Variants in KIRREL3 observed in about 807,000 individuals in gnomAD.
KIRREL3 encodes kin of IRRE-like protein 3.
In KIRREL3, 36 loss-of-function variants were observed where a neutral mutation model predicts 89.7. That is an observed-to-expected ratio of 0.40 (90% CI 0.31 to 0.53). KIRREL3 has a LOEUF of 0.53. Among genes scored for constraint, KIRREL3 ranks in the 20% least tolerant of loss-of-function variants. The probability of loss-of-function intolerance (pLI) is 0.49; values close to 1 mark genes in which losing one functional copy is unlikely to be tolerated. For synonymous variants in KIRREL3, 445 were observed against 441.4 expected, an observed-to-expected ratio of 1.01 and a Z score of -0.10; for missense variants, 864 against 1,056.6, an observed-to-expected ratio of 0.82 and a Z score of 2.53.
At position 126,965,720 on chromosome 11, in the gene KIRREL3, A is replaced by G. The variant is rs1005366417; in HGVS notation, c.55+34735T>C. Among the ~76,000 whole-genome samples, 2 of 152,170 alleles carry G rather than the reference A, an allele frequency of 1.3e-5. No individual in the cohort carries two copies. Among genetic ancestry groups the G allele is most frequent in the Admixed American group, 1.3e-4 (2 of 15,268 alleles). On this transcript the variant is annotated intron_variant, in intron 1 of 16. Coordinates refer to ENST00000525144, the MANE Select transcript of KIRREL3 (RefSeq NM_032531.4). The surrounding 1 kb of genome is among the most constrained non-coding windows in gnomAD (Gnocchi z 4.4). ...AAATATTATTTCCTTCTGACTTTGG[A>G]GTGCGTTATTTTCCCGTGTTTTACG...
chr11:126,727,934 G>A (rs1265779323), intron 1 of KIRREL3, among the ~76,000 whole-genome samples: 8 of 152,032 alleles, frequency 5.3e-5, no homozygotes, highest in Admixed American at 6.5e-5. Flanking sequence ...GAGGAGACCC[G>A]GAGGGAAGGA....
chr11:126,755,766 A>G lies in KIRREL3; in HGVS notation c.56-192854T>C, dbSNP rs190728737. On this transcript the variant is annotated intron_variant, in intron 1 of 16. Transcript: ENST00000525144. This position sits in a 1 kb window ranked among gnomAD's most constrained non-coding sequence, Gnocchi z 4.3. ...AACTCTTTCCATGCCCCTTCTTTGC[A>G]CTTTTTCCACCCCCTCACCACTACC... Among the ~76,000 whole-genome samples, 3 of 151,536 alleles carry G rather than the reference A, an allele frequency of 2.0e-5. No individual in the cohort carries two copies. Among genetic ancestry groups the G allele is most frequent in the Non-Finnish European group, 4.4e-5 (3 of 67,922 alleles).
In KIRREL3 at chr11:126,710,563, T is replaced by C. The variant is rs1206211659; in HGVS notation, c.56-147651A>G. Among the ~76,000 whole-genome samples the C allele has an allele frequency of 6.6e-6, 1 of 152,162 alleles. No homozygotes were observed. The highest frequency in any genetic ancestry group is 6.5e-5 in the Admixed American group (1 of 15,272). The stretch of plus-strand genomic sequence containing the variant: ...GAGCTTGGAGGACTATTTTGCTAAA[T>C]GATGCACCCTGTGAATAACCATCAC... On this transcript the variant is annotated intron_variant, in intron 1 of 16. Coordinates refer to ENST00000525144, the MANE Select transcript of KIRREL3 (RefSeq NM_032531.4). This position sits in a 1 kb window ranked among gnomAD's most constrained non-coding sequence, Gnocchi z 4.2.
Position 126,705,854 on chromosome 11 carries a change from T to C in KIRREL3, c.56-142942A>G, listed in dbSNP as rs1041962515. On this transcript the variant is annotated intron_variant, in intron 1 of 16. Transcript: ENST00000525144. The surrounding 1 kb of genome is among the most constrained non-coding windows in gnomAD (Gnocchi z 4.3). ...CACTAAAATGTTGAGAAAGTGATGC[T>C]GCGTAACTTCTGGGAAAAACTTTAA... Among the ~76,000 whole-genome samples, 1 of 152,232 alleles carries C rather than the reference T, an allele frequency of 6.6e-6. No homozygotes were observed. Among genetic ancestry groups the C allele is most frequent in the Non-Finnish European group, 1.5e-5 (1 of 68,038 alleles).
In KIRREL3 at chr11:126,573,549, G is replaced by A. The variant is rs183515241; in HGVS notation, c.56-10637C>T. On this transcript the variant is annotated intron_variant, in intron 1 of 16. Coordinates refer to ENST00000525144, the MANE Select transcript of KIRREL3 (RefSeq NM_032531.4). ...AGCGGAAAAGGCAGGGAACCCCGCTGTCCTCCCATTACTGAAATCCTCCTT... is the reference window on the plus strand; with the variant it reads ...AGCGGAAAAGGCAGGGAACCCCGCTATCCTCCCATTACTGAAATCCTCCTT... Among the ~76,000 whole-genome samples the A allele has an allele frequency of 1.9e-4, 29 of 151,254 alleles. 1 individual carries two copies. Among genetic ancestry groups the A allele is most frequent in the Admixed American group, 1.5e-3 (23 of 15,188 alleles).
chr11:126,661,311 T>C (rs1945392527), intron 1 of KIRREL3, among the ~76,000 whole-genome samples: 1 of 152,184 alleles, frequency 6.6e-6, no homozygotes, highest in South Asian at 2.1e-4. Flanking sequence ...AGAGAACAGA[T>C]ACTATTGTCA....
chr11:126,947,711 G>T (rs942172874), intron 1 of KIRREL3, among the ~76,000 whole-genome samples: 2 of 152,208 alleles, frequency 1.3e-5, no homozygotes, highest in African/African-American at 4.8e-5. Context: ...AGACTGAGAT[G>T]GGATTAAAAA....
Position 126,965,430 on chromosome 11 carries a change from T to A in KIRREL3, c.55+35025A>T. ...AGGAACAGATTGGTTTATCCATGTA[T>A]TTGCATAATCATTATCATCACATTC... On this transcript the variant is annotated intron_variant, in intron 1 of 16. Transcript: ENST00000525144. This position sits in a 1 kb window ranked among gnomAD's most constrained non-coding sequence, Gnocchi z 4.4. Among the ~76,000 whole-genome samples, 1 of 152,176 alleles carries A rather than the reference T, an allele frequency of 6.6e-6. No homozygotes were observed. Among genetic ancestry groups the A allele is most frequent in the East Asian group, 1.9e-4 (1 of 5,180 alleles).
In KIRREL3 at chr11:126,697,980, G is replaced by A. The variant is rs866468050; in HGVS notation, c.56-135068C>T. On this transcript the variant is annotated intron_variant, in intron 1 of 16. Coordinates refer to ENST00000525144, the MANE Select transcript of KIRREL3 (RefSeq NM_032531.4). This position sits in a 1 kb window ranked among gnomAD's most constrained non-coding sequence, Gnocchi z 4.2. ...CCAAGAAGGGAAGATGACAACGCTG[G>A]TGAAGTCTGAACAAATGCAAAGTCA... Among the ~76,000 whole-genome samples, 1 of 152,186 alleles carries A rather than the reference G, an allele frequency of 6.6e-6. No homozygotes were observed. The highest frequency in any genetic ancestry group is 2.4e-5 in the African/African-American group (1 of 41,450).
At position 126,462,228 on chromosome 11, in the gene KIRREL3, C is replaced by G. The variant is rs1956570978; in HGVS notation, c.742+929G>C. Among the ~76,000 whole-genome samples the G allele has an allele frequency of 6.6e-6, 1 of 152,028 alleles. No homozygotes were observed. The highest frequency in any genetic ancestry group is 2.1e-4 in the South Asian group (1 of 4,810). On this transcript the variant is annotated intron_variant, in intron 6 of 16. Coordinates refer to ENST00000525144, the MANE Select transcript of KIRREL3 (RefSeq NM_032531.4). This position sits in a 1 kb window ranked among gnomAD's most constrained non-coding sequence, Gnocchi z 4.8. ...CACGGGCCACCGAGGGCTGGCTGGG[C>G]AGGAGTGTGGAGAGGATGTTACCAG...
At chr11:126,426,753 A>G (rs1565440181) in intron 15 of KIRREL3, among the ~76,000 whole-genome samples, 1 of 152,098 alleles carries the variant, frequency 6.6e-6, no homozygotes, top group Non-Finnish European at 1.5e-5. Context: ...CTCCCTTGCA[A>G]CCTGCTTTCC....
At position 126,647,999 on chromosome 11, in the gene KIRREL3, G is replaced by T. The variant is rs1944758329; in HGVS notation, c.56-85087C>A. Among the ~76,000 whole-genome samples, 1 of 152,176 alleles carries T rather than the reference G, an allele frequency of 6.6e-6. No individual in the cohort carries two copies. The highest frequency in any genetic ancestry group is 2.4e-5 in the African/African-American group (1 of 41,446). The stretch of plus-strand genomic sequence containing the variant: ...GTCATGTCATATTGTAATCCCCAGT[G>T]TTGGAGGAGGGGCCTGGTAGGAGGT... On this transcript the variant is annotated intron_variant, in intron 1 of 16. Transcript: ENST00000525144. This position sits in a 1 kb window ranked among gnomAD's most constrained non-coding sequence, Gnocchi z 4.9.
rs79201496 is a variant in KIRREL3, at chr11:126,617,766, G to T, written c.56-54854C>A. Among the ~76,000 whole-genome samples, 23 of 152,306 alleles carry T rather than the reference G, an allele frequency of 1.5e-4. No individual in the cohort carries two copies. The East Asian group carries it at 4.4e-3, about 29-fold the overall frequency. On this transcript the variant is annotated intron_variant, in intron 1 of 16. Coordinates refer to ENST00000525144, the MANE Select transcript of KIRREL3 (RefSeq NM_032531.4). ...AGATGAGGAAACTGAGGTTCACAGAGGTTAACTGACTTGCTCAAAGTCCCA... is the reference window on the plus strand; with the variant it reads ...AGATGAGGAAACTGAGGTTCACAGATGTTAACTGACTTGCTCAAAGTCCCA...
At position 126,750,141 on chromosome 11, in the gene KIRREL3, A is replaced by T. The variant is rs374569203; in HGVS notation, c.56-187229T>A. Among the ~76,000 whole-genome samples the T allele has an allele frequency of 2.0e-5, 3 of 152,226 alleles. No individual in the cohort carries two copies. Among genetic ancestry groups the T allele is most frequent in the Non-Finnish European group, 2.9e-5 (2 of 68,036 alleles). On this transcript the variant is annotated intron_variant, in intron 1 of 16. Coordinates refer to ENST00000525144, the MANE Select transcript of KIRREL3 (RefSeq NM_032531.4). The surrounding 1 kb of genome is among the most constrained non-coding windows in gnomAD (Gnocchi z 4.2). ...AATAAGTGCCTTGCACATAGTAGGC[A>T]CAGAATACACAATCATTGCTACTGA...
chr11:126,824,585 G>C (rs906957577), intron 1 of KIRREL3, among the ~76,000 whole-genome samples: 28 of 152,192 alleles, frequency 1.8e-4, no homozygotes, highest in African/African-American at 6.8e-4. Context: ...ATGGGGAAAG[G>C]GACGATGTTA....
chr11:126,485,641 A>G lies in KIRREL3; in HGVS notation c.434-12175T>C, dbSNP rs1159682335. Among the ~76,000 whole-genome samples the G allele has an allele frequency of 6.6e-6, 1 of 152,170 alleles. No homozygotes were observed. Among genetic ancestry groups the G allele is most frequent in the African/African-American group, 2.4e-5 (1 of 41,420 alleles). On this transcript the variant is annotated intron_variant, in intron 4 of 16. Coordinates refer to ENST00000525144, the MANE Select transcript of KIRREL3 (RefSeq NM_032531.4). This position sits in a 1 kb window ranked among gnomAD's most constrained non-coding sequence, Gnocchi z 5.8. ...AACCCACTAAATTTTAGCTCTTAGTATTATTGTTGTTTATTTAATAAGTAA... is the reference window on the plus strand; with the variant it reads ...AACCCACTAAATTTTAGCTCTTAGTGTTATTGTTGTTTATTTAATAAGTAA...
intron 1 of KIRREL3, among the ~76,000 whole-genome samples, chr11:126,767,741 A>G (rs1262452781): frequency 6.6e-6 from 1 of 152,240 alleles, no homozygotes; most frequent in Non-Finnish European, 1.5e-5. Context: ...GCCTGATGCT[A>G]GAGACGGCTG....
rs185152366 is a variant in KIRREL3, at chr11:126,987,089, C to T, written c.55+13366G>A. Among the ~76,000 whole-genome samples, 13 of 152,268 alleles carry T rather than the reference C, an allele frequency of 8.5e-5. No homozygotes were observed. The highest frequency in any genetic ancestry group is 2.1e-4 in the South Asian group (1 of 4,822). Reference sequence around the variant, plus strand: ...CCTGCAGACCACACTTGAAGAACCACGGTGATAGAGAATCTACGAACTCAG... The same window carrying T: ...CCTGCAGACCACACTTGAAGAACCATGGTGATAGAGAATCTACGAACTCAG... On this transcript the variant is annotated intron_variant, in intron 1 of 16. Transcript: ENST00000525144. This position sits in a 1 kb window ranked among gnomAD's most constrained non-coding sequence, Gnocchi z 4.6.
chr11:126,811,106 T>G lies in KIRREL3; in HGVS notation c.55+189349A>C, dbSNP rs1048242866. 6.6e-6 allele frequency among the ~76,000 whole-genome samples: 1 copy of G among 151,838 alleles called. No homozygotes were observed. Among genetic ancestry groups the G allele is most frequent in the African/African-American group, 2.4e-5 (1 of 41,328 alleles). On this transcript the variant is annotated intron_variant, in intron 1 of 16. Transcript: ENST00000525144. The surrounding 1 kb of genome is among the most constrained non-coding windows in gnomAD (Gnocchi z 4.3). ...GGCCCTGCTGAGGGCCAAATAGGAGTGTTGACATCCCCTTCTAAGCTCCCG... is the reference window on the plus strand; with the variant it reads ...GGCCCTGCTGAGGGCCAAATAGGAGGGTTGACATCCCCTTCTAAGCTCCCG...
Sources: allele counts gnomAD v4.1 joint callset (sites outside exome capture counted in the v4.1 genomes callset), GRCh38; gene constraint gnomAD v4.1.1; non-coding constraint Gnocchi (gnomAD v3.1); transcripts MANE v1.5; gene names NCBI Gene and HGNC (gene_info 2026-07-23, HGNC 2026-07-21).